Variants in MACROH2A2 observed in about 807,000 individuals in gnomAD.
The protein encoded by MACROH2A2 is core histone macro-H2A.2.
Under a neutral mutation model 37.6 loss-of-function variants are expected in MACROH2A2, and 6 were observed. The observed-to-expected ratio is 0.16, with a 90% CI of 0.09 to 0.32. MACROH2A2 has a LOEUF of 0.32. MACROH2A2 is among the 10% of genes least tolerant of loss of function. The pLI is 1.00. For missense variants in MACROH2A2, 290 were observed against 485.9 expected (o/e 0.60, Z 3.79); for synonymous variants, 192 against 202.7 (o/e 0.95, Z 0.45).
chr10:70,093,694 C>T (rs973916611), intron 4 of MACROH2A2, 41 bp from the exon 5 acceptor site: 10 of 1,115,120 alleles, frequency 9.0e-6, no homozygotes, highest in Non-Finnish European at 1.4e-5. Flanking sequence ...CAGGCTTTTT[C>T]TGGATTGGTT....
intron 2 of MACROH2A2, among the ~76,000 whole-genome samples, chr10:70,088,616 G>C (rs1589836914): frequency 2.6e-5 from 4 of 152,350 alleles, no homozygotes; most frequent in South Asian, 2.1e-4. Context: ...GTTTGTTAAA[G>C]TCAGCCATGC....
chr10:70,073,805 G>A (rs990918726), intron 1 of MACROH2A2, among the ~76,000 whole-genome samples: 2 of 152,148 alleles, frequency 1.3e-5, no homozygotes, highest in African/African-American at 2.4e-5. Flanking sequence ...TATTAACCAA[G>A]CATTCATTTA....
chr10:70,060,018 A>G (rs982845054), intron 1 of MACROH2A2, among the ~76,000 whole-genome samples: 1 of 152,206 alleles, frequency 6.6e-6, no homozygotes, highest in Admixed American at 6.5e-5. Flanking sequence ...AGCACAGAAC[A>G]TAGAACTGCA....
intron 2 of MACROH2A2, among the ~76,000 whole-genome samples, chr10:70,085,013 A>G (rs1163135307): frequency 6.6e-6 from 1 of 152,230 alleles, no homozygotes; most frequent in Non-Finnish European, 1.5e-5. Flanking sequence ...CAATACAATT[A>G]TCTGGGCTGG....
chr10:70,082,010 T>A (rs2072179940), intron 2 of MACROH2A2, among the ~76,000 whole-genome samples: 1 of 152,164 alleles, frequency 6.6e-6, no homozygotes, highest in Non-Finnish European at 1.5e-5. Context: ...AATGTATTTT[T>A]AAAAAAGCGT....
rs1046014212 is a variant in MACROH2A2 at position 70,053,752 on chromosome 10, C to G, written c.-60+752C>G. On this transcript the variant is annotated intron_variant, in intron 1 of 8. Transcript: ENST00000373255. The surrounding 1 kb of genome is among the most constrained non-coding windows in gnomAD (Gnocchi z 4.8). ...CCGGGGCGCCCGGTGCCGACGCGCGCTGCGCTTTCACCGGGAAATGGCGGC... is the reference window on the plus strand; with the variant it reads ...CCGGGGCGCCCGGTGCCGACGCGCGGTGCGCTTTCACCGGGAAATGGCGGC... 9.9e-5 allele frequency among the ~76,000 whole-genome samples: 15 copies of G among 151,942 alleles called. No homozygotes were observed. The highest frequency in any genetic ancestry group is 1.6e-4 in the Non-Finnish European group (11 of 67,948).
intron 2 of MACROH2A2, among the ~76,000 whole-genome samples, chr10:70,079,563 G>GCACACACACACA (rs372348727): frequency 1.5e-3 from 97 of 63,190 alleles, no homozygotes; most frequent in Non-Finnish European, 3.0e-3. Context: ...GCGCGCGCGC[G>GCACACACACACA]CGCACACACA....
chr10:70,065,904 A>G (rs1229082235), intron 1 of MACROH2A2, among the ~76,000 whole-genome samples: 4 of 152,234 alleles, frequency 2.6e-5, no homozygotes, highest in Non-Finnish European at 2.9e-5. Flanking sequence ...GCAGGGTTCA[A>G]TGACTTCAAA....
intron 1 of MACROH2A2, among the ~76,000 whole-genome samples, chr10:70,064,586 A>AC (rs2072068419): frequency 6.6e-6 from 1 of 152,196 alleles, no homozygotes; most frequent in South Asian, 2.1e-4. Flanking sequence ...GGAGCGACTC[A>AC]GGGGGAAGTA....
chr10:70,066,025 G>T (rs1383614418), intron 1 of MACROH2A2, among the ~76,000 whole-genome samples: 2 of 152,164 alleles, frequency 1.3e-5, no homozygotes, highest in Non-Finnish European at 2.9e-5. Context: ...CAAAGTTTAG[G>T]CCAGATGTGG....
intron 7 of MACROH2A2, among the ~76,000 whole-genome samples, chr10:70,105,579 A>G (rs901238593): frequency 1.3e-5 from 2 of 152,194 alleles, no homozygotes; most frequent in African/African-American, 4.8e-5. Flanking sequence ...GGAGCCTGGG[A>G]GGACTGCAGT....
In MACROH2A2 at chr10:70,056,196, AC is replaced by A. The variant is rs370863035; in HGVS notation, c.-60+3199del. ...GGGCTTTAGCCATATCATTATTGAT[AC>A]CCATCCATAACCTTGTTACAATATT... On this transcript the variant is annotated intron_variant, in intron 1 of 8. Coordinates refer to ENST00000373255, the MANE Select transcript of MACROH2A2 (RefSeq NM_018649.3). Among the ~76,000 whole-genome samples the A allele has an allele frequency of 3.9e-4, 60 of 152,336 alleles. No individual in the cohort carries two copies. The East Asian group carries it at 8.3e-3, about 21-fold the overall frequency.
chr10:70,103,907 G>T (rs1433127089), intron 7 of MACROH2A2, among the ~76,000 whole-genome samples: 1 of 152,296 alleles, frequency 6.6e-6, no homozygotes, highest in East Asian at 1.9e-4. Flanking sequence ...GACAAAAGAT[G>T]TACAATTTCA....
intron 1 of MACROH2A2, among the ~76,000 whole-genome samples, chr10:70,056,354 C>A (rs528358940): frequency 1.3e-5 from 2 of 152,256 alleles, no homozygotes; most frequent in African/African-American, 4.8e-5. Context: ...CTCAAGTGAT[C>A]CTCCTGCCTC....
chr10:70,066,596 A>C (rs1406835688), intron 1 of MACROH2A2, among the ~76,000 whole-genome samples: 2 of 152,180 alleles, frequency 1.3e-5, no homozygotes, highest in Non-Finnish European at 2.9e-5. Context: ...TACAAAGAAC[A>C]ATGTGATTGA....
chr10:70,092,896 C>T (rs144084638), intron 4 of MACROH2A2, among the ~76,000 whole-genome samples: 89 of 152,238 alleles, frequency 5.8e-4, no homozygotes, highest in African/African-American at 2.1e-3. Context: ...ACTTGATATA[C>T]TAGGTGTTTG....
intron 6 of MACROH2A2, chr10:70,099,663 GGGGCATTCCCCTAACATCAAAGGCTCA>G (rs149784458): frequency 0.093 from 14,140 of 152,248 alleles, 825 homozygotes; most frequent in African/African-American, 0.17. Flanking sequence ...AAGAAAGAGT[GGGGCATTCCCCTAACATCAAAGGCTCA>G]GGGCATCTCC....
chr10:70,111,382 GCTAGGGTCAAAGGAGATCATGCATGGA>G (rs2072373411), intron 8 of MACROH2A2, 109 bp from the exon 9 acceptor site: 1 of 654,748 alleles, frequency 1.5e-6, no homozygotes, highest in Non-Finnish European at 2.5e-6. Context: ...TGTCCCTTTG[GCTAGGGTCAAAGGAGATCATGCATGGA>G]CTAGCCCTGC....
At chr10:70,066,323 C>CA (rs2072079203) in intron 1 of MACROH2A2, among the ~76,000 whole-genome samples, 1 of 151,732 alleles carries the variant, frequency 6.6e-6, no homozygotes, top group South Asian at 2.1e-4. Context: ...GCAAGACTCT[C>CA]AAAAAAAGAA....
Sources: allele counts gnomAD v4.1 joint callset (sites outside exome capture counted in the v4.1 genomes callset), GRCh38; gene constraint gnomAD v4.1.1; non-coding constraint Gnocchi (gnomAD v3.1); transcripts MANE v1.5; gene names NCBI Gene and HGNC (gene_info 2026-07-23, HGNC 2026-07-21).